The following TAFA5 variants were observed in gnomAD, a reference collection of about 807,000 sequenced individuals.
TAFA5 encodes TAFA chemokine like family member 5, also known as chemokine-like protein TAFA-5.
A neutral mutation model predicts 15.3 loss-of-function variants in TAFA5; 6 were observed. That is an observed-to-expected ratio of 0.39 (90% CI 0.21 to 0.77). TAFA5 has a LOEUF of 0.77. Among genes scored for constraint, TAFA5 ranks in the 30% least tolerant of loss-of-function variants. The pLI, the probability that TAFA5 is intolerant of heterozygous loss-of-function variation, is 0.41. For missense variants in TAFA5, 161 were observed against 193.1 expected (o/e 0.83, Z 0.98); for synonymous variants, 103 against 80.7 (o/e 1.28, Z -1.48).
intron 3 of TAFA5, among the ~76,000 whole-genome samples, chr22:48,708,897 T>G (rs894251684): frequency 6.6e-6 from 1 of 152,180 alleles, no homozygotes; most frequent in African/African-American, 2.4e-5. Context: ...AGGGCTCGGC[T>G]GGGCTGTTCC....
At chr22:48,635,339 G>A (rs1383982554) in intron 1 of TAFA5, among the ~76,000 whole-genome samples, 1 of 152,126 alleles carries the variant, frequency 6.6e-6, no homozygotes, top group Non-Finnish European at 1.5e-5. Flanking sequence ...CCTGAGGCTG[G>A]TAGAGGCCTG....
intron 1 of TAFA5, among the ~76,000 whole-genome samples, chr22:48,502,770 C>G (rs193185871): frequency 6.6e-6 from 1 of 152,194 alleles, no homozygotes; most frequent in Non-Finnish European, 1.5e-5. Context: ...GATCCGCCCC[C>G]CTCGGTCTCC....
At chr22:48,736,472 C>T (rs8142217) in intron 3 of TAFA5, among the ~76,000 whole-genome samples, 173 of 1,138 alleles carry the variant, frequency 0.15, 49 homozygotes, top group African/African-American at 0.44. Context: ...GGAATGAGAA[C>T]CGCACTCCTA....
chr22:48,707,293 T>C (rs1378432894), intron 2 of TAFA5, among the ~76,000 whole-genome samples: 2 of 152,146 alleles, frequency 1.3e-5, no homozygotes, highest in Non-Finnish European at 2.9e-5. Context: ...TGTTCCCCTT[T>C]GGTTACCTCC....
chr22:48,676,861 T>C (rs1453010289), intron 2 of TAFA5, among the ~76,000 whole-genome samples: 1 of 152,206 alleles, frequency 6.6e-6, no homozygotes, highest in Non-Finnish European at 1.5e-5. Flanking sequence ...CTCCTTGGAC[T>C]AACCTCCCTG....
At chr22:48,690,679 T>G (rs1441991889) in intron 2 of TAFA5, among the ~76,000 whole-genome samples, 1 of 152,212 alleles carries the variant, frequency 6.6e-6, no homozygotes, top group African/African-American at 2.4e-5. Context: ...CTCTCTGTAG[T>G]GTAGCATCTT....
intron 3 of TAFA5, among the ~76,000 whole-genome samples, chr22:48,712,207 C>T (rs1929274982): frequency 6.6e-6 from 1 of 152,236 alleles, no homozygotes; most frequent in African/African-American, 2.4e-5. Context: ...CAGGCACCCA[C>T]CATCACACCC....
chr22:48,595,156 C>T (rs1182698056), intron 1 of TAFA5, among the ~76,000 whole-genome samples: 1 of 152,186 alleles, frequency 6.6e-6, no homozygotes. Flanking sequence ...GAGTTTGCAG[C>T]CTGCATGCCC....
intron 2 of TAFA5, among the ~76,000 whole-genome samples, chr22:48,650,655 ATGTCCCT>A (rs1569064192): frequency 2.9e-4 from 44 of 152,270 alleles, no homozygotes; most frequent in African/African-American, 1.0e-3. Flanking sequence ...TGGGTGAACC[ATGTCCCT>A]GCCTGTACAG....
intron 1 of TAFA5, among the ~76,000 whole-genome samples, chr22:48,575,671 T>G (rs1923749900): frequency 6.9e-6 from 1 of 144,552 alleles, no homozygotes; most frequent in South Asian, 2.1e-4. Flanking sequence ...GGCCCGGACC[T>G]AGTCCCGGCC....
In TAFA5 at chr22:48,697,311, C is replaced by T. The variant is rs185084998; in HGVS notation, c.263-10406C>T. ...GGGAGTCACTCCAGGTAGCTGCTGA[C>T]GATGGAGATGGTGGTTATGGTGACA... On this transcript the variant is annotated intron_variant, in intron 2 of 3. Coordinates refer to ENST00000402357, the MANE Select transcript of TAFA5 (RefSeq NM_001082967.3). Among the ~76,000 whole-genome samples the T allele has an allele frequency of 2.6e-3, 396 of 152,112 alleles. 5 individuals carry two copies. The highest frequency in any genetic ancestry group is 0.02 in the Admixed American group (299 of 15,288).
At chr22:48,620,629 C>CCCATCCTATCCCCCCACCCACCATCCA (rs1925770777) in intron 1 of TAFA5, among the ~76,000 whole-genome samples, 2 of 55,562 alleles carry the variant, frequency 3.6e-5, no homozygotes, top group Non-Finnish European at 6.9e-5. Flanking sequence ...CCCACCATCC[C>CCCATCCTATCCCCCCACCCACCATCCA]CCATCCTATC....
chr22:48,751,508 CTATA>C lies in TAFA5; in HGVS notation c.*1664_*1667del, dbSNP rs903532085. On this transcript the variant is annotated 3_prime_UTR_variant, in exon 4 of 4. Transcript: ENST00000402357. ...TACTAAAAAAAACGTAAAAAAATAA[CTATA>C]TAGAAGCTGTTCCAGCAACCATAGA... 6.6e-6 allele frequency: 1 copy of C among 152,398 alleles called. No homozygotes were observed. The highest frequency in any genetic ancestry group is 6.5e-5 in the Admixed American group (1 of 15,288). The allele number at this position is 152,398 out of a possible 1,614,324, so 9.4% of individuals were successfully genotyped here. A position where few individuals can be genotyped will look rare whatever the true frequency, so the allele number is the denominator to read the frequency against.
chr22:48,724,912 T>G (rs1419034969), intron 3 of TAFA5, among the ~76,000 whole-genome samples: 1 of 152,160 alleles, frequency 6.6e-6, no homozygotes. Context: ...GGAGGTAAGT[T>G]TCACAGAAGA....
rs142486737 is a variant in TAFA5 at position 48,509,041 on chromosome 22, G to A, written c.112+19337G>A. ...GAGCTCAGTATTTTTTAGCTCTTAC[G>A]TATGAATGAGAACAGGAGGTATTTA... On this transcript the variant is annotated intron_variant, in intron 1 of 3. Coordinates refer to ENST00000402357, the MANE Select transcript of TAFA5 (RefSeq NM_001082967.3). Among the ~76,000 whole-genome samples, 47 of 152,134 alleles carry A rather than the reference G, an allele frequency of 3.1e-4. No homozygotes were observed. The East Asian group carries it at 6.6e-3, about 21-fold the overall frequency.
chr22:48,679,050 CCCCT>C (rs1928081384), intron 2 of TAFA5, among the ~76,000 whole-genome samples: 2 of 125,866 alleles, frequency 1.6e-5, no homozygotes, highest in East Asian at 2.6e-4. Context: ...TCCCCAGCTC[CCCCT>C]CCATCCCTCT....
At chr22:48,687,302 G>A (rs1601672288) in intron 2 of TAFA5, among the ~76,000 whole-genome samples, 1 of 151,152 alleles carries the variant, frequency 6.6e-6, no homozygotes, top group African/African-American at 2.4e-5. Flanking sequence ...ATGGGTGGAT[G>A]GGTGGGTGGA....
intron 1 of TAFA5, among the ~76,000 whole-genome samples, chr22:48,521,257 T>A (rs552354362): frequency 1.3e-5 from 2 of 152,236 alleles, no homozygotes; most frequent in East Asian, 3.9e-4. Flanking sequence ...AGTCAGTGCA[T>A]TCCAGGAACC....
intron 1 of TAFA5, among the ~76,000 whole-genome samples, chr22:48,541,515 C>T (rs556579839): frequency 5.3e-5 from 8 of 152,190 alleles, no homozygotes; most frequent in South Asian, 2.1e-4. Flanking sequence ...CAGCCTCGGC[C>T]GGCTGCTGTT....
Sources: allele counts gnomAD v4.1 joint callset (sites outside exome capture counted in the v4.1 genomes callset), GRCh38; gene constraint gnomAD v4.1.1; transcripts MANE v1.5; gene names NCBI Gene and HGNC (gene_info 2026-07-23, HGNC 2026-07-21).